The following TSC22D1 variants were observed in gnomAD, a reference collection of about 807,000 sequenced individuals.
TSC22D1 encodes the protein TSC22 domain family protein 1.
Under a neutral mutation model 74.2 loss-of-function variants are expected in TSC22D1, and 9 were observed. The ratio of observed to expected loss-of-function variants is 0.12; its 90% confidence interval spans 0.07 to 0.21. The LOEUF is 0.21. Among genes scored for constraint, TSC22D1 ranks in the 10% least tolerant of loss-of-function variants. The pLI is 1.00. For missense variants in TSC22D1, 1,427 were observed against 1,304.7 expected (o/e 1.09, Z -1.44); for synonymous variants, 586 against 492.5 (o/e 1.19, Z -2.51).
chr13:44,469,867 G>A (rs561474016), intron 1 of TSC22D1, among the ~76,000 whole-genome samples: 1 of 152,142 alleles, frequency 6.6e-6, no homozygotes, highest in African/African-American at 2.4e-5. Context: ...ATTTCAGGTG[G>A]AGCTAATTTA....
chr13:44,557,731 T>C (rs145950472), intron 1 of TSC22D1, among the ~76,000 whole-genome samples: 2 of 152,316 alleles, frequency 1.3e-5, no homozygotes, highest in Non-Finnish European at 2.9e-5. Context: ...TTAAAAGTAT[T>C]TTAATAGAAT....
intron 1 of TSC22D1, among the ~76,000 whole-genome samples, chr13:44,500,725 C>T (rs1879187354): frequency 6.6e-6 from 1 of 152,186 alleles, no homozygotes; most frequent in African/African-American, 2.4e-5. Context: ...CACTCTGCCA[C>T]CCAGGCTGGA....
chr13:44,503,606 G>C (rs2067544), intron 1 of TSC22D1, among the ~76,000 whole-genome samples: 55,167 of 152,012 alleles, frequency 0.36, 10,089 homozygotes, highest in Non-Finnish European at 0.39. Flanking sequence ...ATACAATCTA[G>C]AATAGAAAAG....
chr13:44,474,300 C>T, intron 1 of TSC22D1: 5 of 985,244 alleles, frequency 5.1e-6, no homozygotes, highest in Non-Finnish European at 6.0e-6. Context: ...CCACCCAGGC[C>T]CAACTGACAC....
intron 1 of TSC22D1, among the ~76,000 whole-genome samples, chr13:44,437,589 T>C (rs1391993246): frequency 6.6e-6 from 1 of 152,198 alleles, no homozygotes; most frequent in Non-Finnish European, 1.5e-5. Flanking sequence ...CACATCTCCC[T>C]ATTAGCATCT....
chr13:44,509,173 T>C (rs1410730368), intron 1 of TSC22D1, among the ~76,000 whole-genome samples: 1 of 152,020 alleles, frequency 6.6e-6, no homozygotes, highest in Non-Finnish European at 1.5e-5. Context: ...AACAAAACAG[T>C]ACCCCCCCCA....
chr13:44,474,870 A>G (rs1229868513), intron 1 of TSC22D1, among the ~76,000 whole-genome samples: 1 of 152,130 alleles, frequency 6.6e-6, no homozygotes, highest in East Asian at 1.9e-4. Context: ...TAGAAACGAG[A>G]TATCTGACAA....
chr13:44,553,384 A>G (rs1882417733), intron 1 of TSC22D1, among the ~76,000 whole-genome samples: 1 of 152,170 alleles, frequency 6.6e-6, no homozygotes, highest in South Asian at 2.1e-4. Context: ...TTAGAAAAAA[A>G]CTAGTTTTGA....
intron 1 of TSC22D1, among the ~76,000 whole-genome samples, chr13:44,468,173 G>A (rs1418377214): frequency 6.6e-6 from 1 of 152,102 alleles, no homozygotes; most frequent in African/African-American, 2.4e-5. Context: ...GCTAAGCCAT[G>A]GGTATGCAAA....
chr13:44,487,774 T>C (rs1878512944), intron 1 of TSC22D1, among the ~76,000 whole-genome samples: 1 of 151,964 alleles, frequency 6.6e-6, no homozygotes, highest in Non-Finnish European at 1.5e-5. Flanking sequence ...AAACACTTCT[T>C]GGCTAGTCGC....
intron 1 of TSC22D1, among the ~76,000 whole-genome samples, chr13:44,519,487 T>C (rs1880207902): frequency 6.6e-6 from 1 of 152,046 alleles, no homozygotes; most frequent in African/African-American, 2.4e-5. Flanking sequence ...AACAGAATGA[T>C]CTCACCTATT....
intron 1 of TSC22D1, among the ~76,000 whole-genome samples, chr13:44,506,890 C>A (rs910333116): frequency 2.0e-5 from 3 of 152,134 alleles, no homozygotes; most frequent in Non-Finnish European, 4.4e-5. Flanking sequence ...TCTGAGATTT[C>A]ACAATGGGAT....
intron 1 of TSC22D1, among the ~76,000 whole-genome samples, chr13:44,532,850 G>A (rs935305408): frequency 1.3e-5 from 2 of 152,228 alleles, no homozygotes; most frequent in South Asian, 2.1e-4. Context: ...TTAATATGTA[G>A]AAGACTTGGG....
chr13:44,441,084 G>C (rs1875159524), intron 1 of TSC22D1, among the ~76,000 whole-genome samples: 1 of 152,142 alleles, frequency 6.6e-6, no homozygotes, highest in South Asian at 2.1e-4. Context: ...AAAAAAGGCA[G>C]GCATGGGAAA....
At chr13:44,558,371 G>A (rs911294731) in intron 1 of TSC22D1, among the ~76,000 whole-genome samples, 1 of 152,070 alleles carries the variant, frequency 6.6e-6, no homozygotes, top group Non-Finnish European at 1.5e-5. Context: ...TAATCCTCAG[G>A]TCTCCCATGA....
Position 44,520,239 on chromosome 13 carries a change from G to A in TSC22D1, c.2912+52924C>T, listed in dbSNP as rs141254364. ...CCAGGTAGAGTGAGAATGAGTCTGC[G>A]AATCAGACTAAAAACTGGCCAGAAA... is the stretch of plus-strand genomic sequence containing the variant. On this transcript the variant is annotated intron_variant, in intron 1 of 2. Transcript: ENST00000458659. Among the ~76,000 whole-genome samples the A allele has an allele frequency of 4.3e-3, 654 of 152,198 alleles. 5 individuals carry two copies. The highest frequency in any genetic ancestry group is 0.015 in the African/African-American group (620 of 41,506).
At chr13:44,444,188 A>AG (rs1875424065) in intron 1 of TSC22D1, among the ~76,000 whole-genome samples, 1 of 142,834 alleles carries the variant, frequency 7.0e-6, no homozygotes, top group African/African-American at 2.6e-5. Context: ...CTGAGGCAGG[A>AG]GAATCGCTTG....
chr13:44,518,775 T>C (rs1000078660), intron 1 of TSC22D1, among the ~76,000 whole-genome samples: 3 of 152,210 alleles, frequency 2.0e-5, no homozygotes, highest in Non-Finnish European at 2.9e-5. Context: ...AGTCCATCCC[T>C]TAATCAGATG....
intron 1 of TSC22D1, among the ~76,000 whole-genome samples, chr13:44,457,740 T>C (rs1027966429): frequency 2.6e-5 from 4 of 152,116 alleles, no homozygotes; most frequent in Admixed American, 2.6e-4. Context: ...TTTGCTCCTT[T>C]TGTGCTAGCA....
Sources: allele counts gnomAD v4.1 joint callset (sites outside exome capture counted in the v4.1 genomes callset), GRCh38; gene constraint gnomAD v4.1.1; transcripts MANE v1.5; gene names NCBI Gene and HGNC (gene_info 2026-07-23, HGNC 2026-07-21).